JPH3: variants seen among roughly 807,000 people sequenced by gnomAD.
JPH3 encodes junctophilin-3.
A neutral mutation model predicts 59.6 loss-of-function variants in JPH3; 11 were observed. That is an observed-to-expected ratio of 0.18 (90% CI 0.12 to 0.31). The LOEUF is 0.31. Ranked by LOEUF, JPH3 falls within the 10% of genes least tolerant of loss-of-function variation. The pLI is 1.00. For missense variants in JPH3, 1,202 were observed against 1,105.7 expected (o/e 1.09, Z -1.24); for synonymous variants, 673 against 483.6 (o/e 1.39, Z -5.14).
chr16:87,624,005 G>A (rs2031282044), intron 1 of JPH3, among the ~76,000 whole-genome samples: 1 of 152,204 alleles, frequency 6.6e-6, no homozygotes, highest in African/African-American at 2.4e-5. Flanking sequence ...AGCTGGGAGG[G>A]GACAGGGTAA....
intron 2 of JPH3, among the ~76,000 whole-genome samples, chr16:87,663,115 C>CTTTT (rs60196379): frequency 0.18 from 26,267 of 143,278 alleles, 2,863 homozygotes; most frequent in South Asian, 0.35. Context: ...TAATTTCTTT[C>CTTTT]TTTTTTTTTT....
At chr16:87,604,462 A>C in intron 1 of JPH3, 1 of 1,364,632 alleles carries the variant, frequency 7.3e-7, no homozygotes. Flanking sequence ...ACCCCAAACA[A>C]ACTGGCTTCC....
intron 2 of JPH3, among the ~76,000 whole-genome samples, chr16:87,650,516 G>T (rs2032295632): frequency 6.6e-6 from 1 of 152,222 alleles, no homozygotes; most frequent in South Asian, 2.1e-4. Flanking sequence ...AGCTGGAAAT[G>T]ATAAAGCGTA....
rs1489071359 is a variant in JPH3, at chr16:87,677,219, CACACACAAAAAA to C, written c.1161-6921_1161-6910del. On this transcript the variant is annotated intron_variant, in intron 2 of 4. Transcript: ENST00000284262. The stretch of plus-strand genomic sequence containing the variant: ...ACACACACACACACACACACACACA[CACACACAAAAAA>C]AAAAATTAGCCGGGTGTGGTGGGCG... Among the ~76,000 whole-genome samples, 117 of 120,972 alleles carry C rather than the reference CACACACAAAAAA, an allele frequency of 9.7e-4. 2 individuals carry two copies. The highest frequency in any genetic ancestry group is 3.5e-3 in the African/African-American group (98 of 28,006). The allele number at this position is 120,972 out of a possible 152,430, so 79.4% of individuals were successfully genotyped here.
At chr16:87,661,397 T>A (rs1158989667) in intron 2 of JPH3, among the ~76,000 whole-genome samples, 1 of 152,234 alleles carries the variant, frequency 6.6e-6, no homozygotes, top group African/African-American at 2.4e-5. Context: ...GGGCTGTGTT[T>A]CTGCTGACCA....
At chr16:87,681,661 C>T (rs1352456126) in intron 2 of JPH3, among the ~76,000 whole-genome samples, 2 of 151,396 alleles carry the variant, frequency 1.3e-5, no homozygotes, top group Admixed American at 6.6e-5. Flanking sequence ...GTCAGGTGCG[C>T]GCGGTGGTGA....
intron 4 of JPH3, chr16:87,695,928 A>C (rs2142852675): frequency 2.2e-6 from 1 of 456,058 alleles, no homozygotes; most frequent in South Asian, 1.5e-5. Context: ...GCGGAGGCTG[A>C]GGACTTGTGA....
chr16:87,692,342 C>T (rs899054389), intron 4 of JPH3, among the ~76,000 whole-genome samples: 8 of 152,092 alleles, frequency 5.3e-5, no homozygotes, highest in African/African-American at 9.7e-5. Flanking sequence ...AGGAGGGGCC[C>T]GTGCCAGCCG....
intron 1 of JPH3, among the ~76,000 whole-genome samples, chr16:87,613,320 C>G (rs893394232): frequency 6.7e-6 from 1 of 150,224 alleles, no homozygotes. Flanking sequence ...AGGATGGTCT[C>G]GATCTCCTGA....
chr16:87,656,967 T>G lies in JPH3; in HGVS notation c.1160+11932T>G, dbSNP rs78859157. Among the ~76,000 whole-genome samples, 179 of 152,252 alleles carry G rather than the reference T, an allele frequency of 1.2e-3. 2 individuals are homozygous for G. The highest frequency in any genetic ancestry group is 7.5e-3 in the East Asian group (39 of 5,166). On this transcript the variant is annotated intron_variant, in intron 2 of 4. Coordinates refer to ENST00000284262, the MANE Select transcript of JPH3 (RefSeq NM_020655.4). ...GGATCTCCCTCTCCTCCTCTTCTTA[T>G]AAGGTCACCAGTCCCATCAGATTAG...
chr16:87,632,956 C>G (rs1315060720), intron 1 of JPH3, among the ~76,000 whole-genome samples: 2 of 151,882 alleles, frequency 1.3e-5, no homozygotes, highest in African/African-American at 4.8e-5. Flanking sequence ...TGGTCTGGAA[C>G]TCTGGGGCTC....
chr16:87,654,345 A>T (rs956105589), intron 2 of JPH3: 4 of 151,902 alleles, frequency 2.6e-5, no homozygotes, highest in African/African-American at 9.7e-5. Flanking sequence ...CATTTATCTG[A>T]TAGTAGAGTT....
Position 87,690,130 on chromosome 16 carries a change from C to T in JPH3, c.1770C>T (p.Ala590=), listed in dbSNP as rs2033527681. The T allele has an allele frequency of 4.4e-6, 7 of 1,591,454 alleles. No homozygotes were observed. Among genetic ancestry groups the T allele is most frequent in the Non-Finnish European group, 6.0e-6 (7 of 1,169,274 alleles). ...TCACGTGGACTTCCCACCACCGGGCCAGCAACCACAGCCCCGGAGGCTCCA... is the reference window on the plus strand; with the variant it reads ...TCACGTGGACTTCCCACCACCGGGCTAGCAACCACAGCCCCGGAGGCTCCA... The part of the protein sequence containing the change: ...PVFTWTSHHR[A]SNHSPGGSRL... The change falls in exon 4 of 5, where the codon GCC becomes GCT. Residue 590 remains alanine, a synonymous_variant. Transcript: ENST00000284262.
Position 87,630,317 on chromosome 16 carries a change from G to A in JPH3, c.383-13941G>A, listed in dbSNP as rs1175012857. On this transcript the variant is annotated intron_variant, in intron 1 of 4. Coordinates refer to ENST00000284262, the MANE Select transcript of JPH3 (RefSeq NM_020655.4). Reference sequence around the variant, plus strand: ...AAACGGTGCTTTTGGCCTCTGGCATGTCCACCCTGCCACAATCATCTTCCT... The same window carrying A: ...AAACGGTGCTTTTGGCCTCTGGCATATCCACCCTGCCACAATCATCTTCCT... Among the ~76,000 whole-genome samples, 39 of 152,186 alleles carry A rather than the reference G, an allele frequency of 2.6e-4. 1 individual carries two copies. Among genetic ancestry groups the A allele is most frequent in the Non-Finnish European group, 4.4e-5 (3 of 68,030 alleles).
intron 4 of JPH3, among the ~76,000 whole-genome samples, chr16:87,692,213 C>T (rs558538441): frequency 4.8e-4 from 62 of 129,310 alleles, no homozygotes; most frequent in Middle Eastern, 7.9e-3. Context: ...CCCTGTCTCC[C>T]TCCCCGTCTC....
intron 1 of JPH3, among the ~76,000 whole-genome samples, chr16:87,638,652 G>A (rs1334283366): frequency 1.3e-5 from 2 of 152,092 alleles, no homozygotes; most frequent in Non-Finnish European, 2.9e-5. Context: ...AGGAGTACCG[G>A]GACCCGGGGT....
At chr16:87,623,098 A>G (rs897821038) in intron 1 of JPH3, among the ~76,000 whole-genome samples, 8 of 152,274 alleles carry the variant, frequency 5.3e-5, no homozygotes, top group Admixed American at 2.6e-4. Context: ...GGGGGCCTCA[A>G]TGGAGGAGTC....
intron 1 of JPH3, among the ~76,000 whole-genome samples, chr16:87,639,461 T>C (rs1482445750): frequency 6.6e-6 from 1 of 152,104 alleles, no homozygotes; most frequent in Non-Finnish European, 1.5e-5. Context: ...CAGTGTCCCG[T>C]CTCAGTCATC....
chr16:87,651,437 G>T (rs577484756), intron 2 of JPH3, among the ~76,000 whole-genome samples: 9 of 152,300 alleles, frequency 5.9e-5, no homozygotes, highest in African/African-American at 2.2e-4. Flanking sequence ...TCTGGGCAAA[G>T]TCCATTGAAA....
Sources: gnomAD v4.1 joint callset for allele counts (sites outside exome capture counted in the v4.1 genomes callset) on GRCh38, gnomAD v4.1.1 for gene constraint, MANE v1.5 for transcripts, NCBI Gene and HGNC (gene_info 2026-07-23, HGNC 2026-07-21) for gene names.